Variants in PDE7B observed in about 807,000 individuals in gnomAD.
PDE7B encodes 3',5'-cyclic-AMP phosphodiesterase 7B.
PDE7B carries 29 observed loss-of-function variants against 56.2 expected under a neutral mutation model. That is an observed-to-expected ratio of 0.52 (90% confidence interval 0.38 to 0.70). The LOEUF (loss-of-function observed/expected upper bound fraction) is 0.70. Ranked by LOEUF, PDE7B falls within the 30% of genes least tolerant of loss-of-function variation. The pLI, the probability that PDE7B is intolerant of heterozygous loss-of-function variation, is 0.00. For missense variants in PDE7B, 490 were observed against 565.0 expected (o/e 0.87, Z 1.35); for synonymous variants, 197 against 196.9 (o/e 1.00, Z 0.00).
chr6:136,124,948 A>T (rs1363304874), intron 3 of PDE7B, among the ~76,000 whole-genome samples: 2 of 152,268 alleles, frequency 1.3e-5, no homozygotes, highest in Non-Finnish European at 2.9e-5. Flanking sequence ...GATATTACAT[A>T]CATATCAAAT....
At chr6:135,948,868 TAGATA>T (rs1383582382) in intron 2 of PDE7B, among the ~76,000 whole-genome samples, 4 of 144,870 alleles carry the variant, frequency 2.8e-5, no homozygotes, top group Admixed American at 1.4e-4. Flanking sequence ...GATAGATAGA[TAGATA>T]GATAGATAGA....
chr6:136,165,960 T>C (rs1778786071), intron 8 of PDE7B, among the ~76,000 whole-genome samples: 1 of 152,190 alleles, frequency 6.6e-6, no homozygotes, highest in African/African-American at 2.4e-5. Flanking sequence ...ACGTGATGCT[T>C]AATCTTAAAC....
chr6:135,858,411 C>T (rs1391626741), intron 1 of PDE7B, among the ~76,000 whole-genome samples: 1 of 152,172 alleles, frequency 6.6e-6, no homozygotes, highest in African/African-American at 2.4e-5. Context: ...CCTTGGCCTC[C>T]CAAAGTGCTG....
intron 2 of PDE7B, among the ~76,000 whole-genome samples, chr6:136,038,748 G>A (rs939328503): frequency 1.3e-5 from 2 of 152,156 alleles, no homozygotes; most frequent in African/African-American, 4.8e-5. Flanking sequence ...CCTGGGTCCT[G>A]GACTCAGCTT....
intron 2 of PDE7B, among the ~76,000 whole-genome samples, chr6:135,965,648 A>T (rs1313908024): frequency 6.6e-6 from 1 of 152,102 alleles, no homozygotes; most frequent in Non-Finnish European, 1.5e-5. Flanking sequence ...ATCTTATGAG[A>T]CTTATTCACT....
intron 1 of PDE7B, among the ~76,000 whole-genome samples, chr6:135,926,419 A>G (rs1774191237): frequency 1.3e-5 from 2 of 151,930 alleles, no homozygotes. Flanking sequence ...GGCTTGAGGA[A>G]GAGTGGGCGG....
chr6:136,155,442 A>G (rs1778587358), intron 7 of PDE7B, among the ~76,000 whole-genome samples, 185 bp from the exon 8 acceptor site: 1 of 152,212 alleles, frequency 6.6e-6, no homozygotes, highest in Non-Finnish European at 1.5e-5. Context: ...TTTTCCACAC[A>G]GTCCTTTCCT....
intron 2 of PDE7B, among the ~76,000 whole-genome samples, chr6:136,087,375 GA>G (rs1198481136): frequency 6.6e-6 from 1 of 151,326 alleles, no homozygotes; most frequent in African/African-American, 2.4e-5. Context: ...AAAAATATAA[GA>G]ATAAAAAATT....
chr6:136,048,078 G>GGATA (rs544965036), intron 2 of PDE7B, among the ~76,000 whole-genome samples: 26 of 144,370 alleles, frequency 1.8e-4, no homozygotes, highest in Admixed American at 1.6e-3. Flanking sequence ...ATGGGTGGAT[G>GGATA]GATAGATAGA....
intron 2 of PDE7B, chr6:136,044,412 C>A (rs534730199): frequency 6.6e-6 from 1 of 152,242 alleles, no homozygotes; most frequent in African/African-American, 2.4e-5. Flanking sequence ...AAATTGCCAT[C>A]AGATGCATGA....
At chr6:135,984,805 C>T (rs888987263) in intron 2 of PDE7B, among the ~76,000 whole-genome samples, 1 of 152,040 alleles carries the variant, frequency 6.6e-6, no homozygotes, top group Admixed American at 6.6e-5. Context: ...CTGTGAGGTA[C>T]ACTGAGATCA....
chr6:136,055,966 T>C (rs933385352), intron 2 of PDE7B, among the ~76,000 whole-genome samples: 1 of 152,142 alleles, frequency 6.6e-6, no homozygotes, highest in African/African-American at 2.4e-5. Context: ...GACTAAAAGA[T>C]TCCAGAAAGT....
In PDE7B at chr6:135,894,095, CATA is replaced by C. The variant is rs550301487; in HGVS notation, c.21+42078_21+42080del. ...CTAAAATATCAGTAACAAAACCTAC[CATA>C]AAAGTTTTATTCCCAAAATCATCTT... On this transcript the variant is annotated intron_variant, in intron 1 of 12. Coordinates refer to ENST00000308191, the MANE Select transcript of PDE7B (RefSeq NM_018945.4). Among the ~76,000 whole-genome samples, 6 of 152,170 alleles carry C rather than the reference CATA, an allele frequency of 3.9e-5. No homozygotes were observed. In the South Asian group the frequency reaches 1.2e-3, roughly 32 times the overall value.
chr6:136,146,014 G>A (rs1778407459), intron 3 of PDE7B, among the ~76,000 whole-genome samples: 1 of 152,106 alleles, frequency 6.6e-6, no homozygotes, highest in Non-Finnish European at 1.5e-5. Context: ...CTCCAGACCT[G>A]GTCCACCTAT....
intron 2 of PDE7B, among the ~76,000 whole-genome samples, chr6:136,061,973 T>C (rs1361398658): frequency 6.6e-6 from 1 of 152,210 alleles, no homozygotes; most frequent in African/African-American, 2.4e-5. Flanking sequence ...CCAGTCCTTA[T>C]GGAGCGTGCG....
intron 9 of PDE7B, among the ~76,000 whole-genome samples, chr6:136,175,583 A>G (rs376537115): frequency 6.6e-6 from 1 of 152,108 alleles, no homozygotes; most frequent in Non-Finnish European, 1.5e-5. Flanking sequence ...ACAAAATATG[A>G]TTATATTTGG....
intron 5 of PDE7B, 138 bp from the exon 6 acceptor site, chr6:136,151,022 C>A: frequency 1.7e-6 from 1 of 572,250 alleles, no homozygotes. Flanking sequence ...ATGCTCTATC[C>A]TTGAATAATT....
chr6:136,152,566 T>C (rs1202809794), intron 6 of PDE7B, among the ~76,000 whole-genome samples: 1 of 152,198 alleles, frequency 6.6e-6, no homozygotes, highest in Admixed American at 6.5e-5. Context: ...TCCACCATCT[T>C]TCCACTGAAC....
At chr6:135,998,591 C>G (rs1408278447) in intron 2 of PDE7B, among the ~76,000 whole-genome samples, 1 of 151,798 alleles carries the variant, frequency 6.6e-6, no homozygotes, top group Non-Finnish European at 1.5e-5. Context: ...CCTGTCTCTA[C>G]TAAAAATACA....
Sources: gnomAD v4.1 joint callset for allele counts (sites outside exome capture counted in the v4.1 genomes callset) on GRCh38, gnomAD v4.1.1 for gene constraint, MANE v1.5 for transcripts, NCBI Gene and HGNC (gene_info 2026-07-23, HGNC 2026-07-21) for gene names.